MSANTD2: variants seen among roughly 807,000 people sequenced by gnomAD.
The protein encoded by MSANTD2 is myb/SANT-like DNA-binding domain-containing protein 2.
MSANTD2 carries 19 observed loss-of-function variants against 52.6 expected under a neutral mutation model. The ratio of observed to expected loss-of-function variants is 0.36; its 90% confidence interval spans 0.25 to 0.53. The LOEUF (loss-of-function observed/expected upper bound fraction) is 0.53, where lower values mean the gene tolerates loss of function less well. MSANTD2 is among the 20% of genes least tolerant of loss of function. The probability of loss-of-function intolerance (pLI) is 0.91; values close to 1 mark genes in which losing one functional copy is unlikely to be tolerated. For missense variants in MSANTD2, 558 were observed against 716.3 expected (o/e 0.78, Z 2.52); for synonymous variants, 291 against 289.7 (o/e 1.00, Z -0.04).
intron 3 of MSANTD2, among the ~76,000 whole-genome samples, chr11:124,770,460 G>A (rs1186116621): frequency 6.6e-6 from 1 of 152,008 alleles, no homozygotes; most frequent in Non-Finnish European, 1.5e-5. Flanking sequence ...ACTATACCCA[G>A]TGAATTTTAA....
At chr11:124,772,443 C>T (rs754385075) in intron 3 of MSANTD2, among the ~76,000 whole-genome samples, 3 of 152,152 alleles carry the variant, frequency 2.0e-5, no homozygotes, top group African/African-American at 2.4e-5. Flanking sequence ...TACGAAAGAA[C>T]GTATAGACAT....
chr11:124,783,807 T>TA, intron 1 of MSANTD2: 6 of 985,398 alleles, frequency 6.1e-6, no homozygotes, highest in Non-Finnish European at 7.2e-6. Flanking sequence ...TACTAATTGT[T>TA]AAAAACAAAC....
At chr11:124,768,640 C>A (rs1001324671) in intron 3 of MSANTD2, among the ~76,000 whole-genome samples, 2 of 152,190 alleles carry the variant, frequency 1.3e-5, no homozygotes, top group Middle Eastern at 6.8e-3. Flanking sequence ...GTCTGAAATT[C>A]ATTACTAATC....
rs1007970867 is a variant in MSANTD2 at position 124,774,745 on chromosome 11, T to C, written c.740A>G (p.His247Arg). The change falls in exon 2 of 4, where the codon CAT becomes CGT. Residue 247 changes from histidine (H) to arginine (R), a missense_variant. Around this residue, in one of 2 missense-constraint regions of MSANTD2, gnomAD observed 408 missense variants for 573.6 expected, o/e 0.71. Transcript: ENST00000374979. This position sits in a 1 kb window ranked among gnomAD's most constrained non-coding sequence, Gnocchi z 5.1. The stretch of plus-strand genomic sequence containing the variant: ...CAATTCCTGATCTGTTGGATAGCCA[T>C]GGAGATCCTGACTGTGGTTTCCCCA... ...EDWGNHSQDL[H>R]GYPTDQELDE... The C allele has an allele frequency of 6.2e-7, 1 of 1,613,998 alleles. No homozygotes were observed. The highest frequency in any genetic ancestry group is 8.5e-7 in the Non-Finnish European group (1 of 1,179,844).
rs1227946053 is a variant in MSANTD2, at chr11:124,799,877, G to A, written c.504C>T (p.Arg168=). ...YERTPSQCRE[R]IKTLRRCYSR... is the part of the protein sequence containing the mutation. ...AGGCCGGGCGGCCGGTTACCTTGATGCGCTCCCGGCACTGGGACGGGGTCC... is the reference window on the plus strand; with the variant it reads ...AGGCCGGGCGGCCGGTTACCTTGATACGCTCCCGGCACTGGGACGGGGTCC... The change falls in exon 1 of 4, where the codon CGC becomes CGT. Residue 168 remains arginine (R), a synonymous_variant. Transcript: ENST00000374979. The A allele has an allele frequency of 1.9e-6, 3 of 1,577,796 alleles. No homozygotes were observed.
rs1945333771 is a variant in MSANTD2 at position 124,791,602 on chromosome 11, C to A, written c.510+8269G>T. 5 of 1,471,292 alleles carry A rather than the reference C, an allele frequency of 3.4e-6. No homozygotes were observed. The Admixed American group carries it at 8.5e-5, about 25-fold the overall frequency. 91.1% of individuals were successfully genotyped at this position (1,471,292 alleles called of 1,614,324 possible). A position where few individuals can be genotyped will look rare whatever the true frequency, so the allele number is the denominator to read the frequency against. On this transcript the variant is annotated intron_variant, in intron 1 of 3. Transcript: ENST00000374979. ...AGTCTCCGAGGAGTAAGCCCGCTGC[C>A]CAATATCAGTGGGATCGGCAGCTTC... is the stretch of plus-strand genomic sequence containing the variant.
intron 1 of MSANTD2, chr11:124,783,813 C>G (rs1229301456): frequency 3.0e-6 from 3 of 985,130 alleles, no homozygotes; most frequent in Non-Finnish European, 3.6e-6. Flanking sequence ...TTGTTAAAAA[C>G]AAACATCTTC....
chr11:124,781,427 CA>C (rs1944962860), intron 1 of MSANTD2, among the ~76,000 whole-genome samples: 1 of 152,102 alleles, frequency 6.6e-6, no homozygotes, highest in African/African-American at 2.4e-5. Flanking sequence ...CAACTTAAAA[CA>C]GAAAAACACA....
At chr11:124,799,750 C>G in intron 1 of MSANTD2, 121 bp downstream of exon 1, 1 of 656,138 alleles carries the variant, frequency 1.5e-6, no homozygotes, top group Non-Finnish European at 2.5e-6. Context: ...GGAGGAGATG[C>G]GAATCGCCCA....
intron 3 of MSANTD2, among the ~76,000 whole-genome samples, chr11:124,770,886 C>A (rs1944494485): frequency 6.6e-6 from 1 of 151,862 alleles, no homozygotes; most frequent in African/African-American, 2.4e-5. Context: ...GCACCCGCTA[C>A]CATCCCTGGC....
intron 1 of MSANTD2, chr11:124,792,826 T>C (rs1945373686): frequency 1.3e-5 from 2 of 152,194 alleles, no homozygotes; most frequent in Non-Finnish European, 2.9e-5. Flanking sequence ...GATGAATCTG[T>C]CAGTTGAATC....
intron 1 of MSANTD2, chr11:124,784,138 T>C (rs1039930406): frequency 7.0e-5 from 69 of 985,056 alleles, no homozygotes; most frequent in Admixed American, 4.9e-4. Context: ...TGTCTAGAAC[T>C]TCCTCCTCAC....
intron 1 of MSANTD2, chr11:124,783,827 G>A: frequency 1.0e-6 from 1 of 985,298 alleles, no homozygotes; most frequent in Non-Finnish European, 1.2e-6. Context: ...CATCTTCCAT[G>A]GCTCAAGGAA....
chr11:124,783,722 C>G (rs1945064112), intron 1 of MSANTD2: 3 of 985,132 alleles, frequency 3.0e-6, no homozygotes, highest in Non-Finnish European at 2.4e-6. Flanking sequence ...TCTAAGTTTT[C>G]TAGGTTCCTT....
In MSANTD2 at chr11:124,800,253, G is replaced by A. The variant is rs762113776; in HGVS notation, c.128C>T (p.Thr43Met). ...DGNPSLSDPS[T>M]PRGASPLGPG... ...CCCGAGCGGGGAGGCACCCCGAGGC[G>A]TGGAAGGGTCGGACAGCGATGGATT... is the stretch of plus-strand genomic sequence containing the variant. Residue 43 changes from threonine (T) to methionine (M), a missense_variant, in exon 1 of 4, where the codon ACG (threonine) becomes ATG (methionine). This residue lies in a region of MSANTD2 where 150 missense variants were observed against 142.7 expected (regional missense o/e 1.05). Transcript: ENST00000374979. The surrounding 1 kb of genome is among the most constrained non-coding windows in gnomAD (Gnocchi z 4.3). 1 of 1,561,164 alleles carries A rather than the reference G, an allele frequency of 6.4e-7. No homozygotes were observed. Among genetic ancestry groups the A allele is most frequent in the Non-Finnish European group, 8.6e-7 (1 of 1,157,102 alleles).
chr11:124,768,563 T>C lies in MSANTD2; in HGVS notation c.828-535A>G, dbSNP rs557090347. The stretch of plus-strand genomic sequence containing the variant: ...TCAGAAAGTCCAATAATGGGCTTTG[T>C]GTGTGCTGTGGGAAAATATACAACT... On this transcript the variant is annotated intron_variant, in intron 3 of 3. Coordinates refer to ENST00000374979, the MANE Select transcript of MSANTD2 (RefSeq NM_001308027.2). 1.5e-4 allele frequency among the ~76,000 whole-genome samples: 23 copies of C among 152,338 alleles called. No individual in the cohort carries two copies. In the East Asian group the frequency reaches 3.1e-3, roughly 20 times the overall value.
At chr11:124,789,384 G>C (rs1401186489) in intron 1 of MSANTD2, 1 of 152,102 alleles carries the variant, frequency 6.6e-6, no homozygotes, top group Non-Finnish European at 1.5e-5. Context: ...GTCTTACATA[G>C]GCTGAGAAAA....
At position 124,800,120 on chromosome 11, in the gene MSANTD2, G is replaced by A. The variant is rs2135283175; in HGVS notation, c.261C>T (p.Gly87=). ...SSSVSFSPGG[G]GGGAAAAAAA... ...CGGCGGCTGCCGCAGCCCCGCCACC[G>A]CCGCCACCAGGGGAGAAGGAGACCG... The change falls in exon 1 of 4, where the codon GGC becomes GGT. Residue 87 remains glycine (G), a synonymous_variant. Coordinates refer to ENST00000374979, the MANE Select transcript of MSANTD2 (RefSeq NM_001308027.2). The surrounding 1 kb of genome is among the most constrained non-coding windows in gnomAD (Gnocchi z 4.3). 4 of 1,482,174 alleles carry A rather than the reference G, an allele frequency of 2.7e-6. No individual in the cohort carries two copies. Among genetic ancestry groups the A allele is most frequent in the Admixed American group, 2.4e-5 (1 of 40,900 alleles). 91.8% of individuals were successfully genotyped at this position (1,482,174 alleles called of 1,614,324 possible).
chr11:124,796,863 G>T (rs982377187), intron 1 of MSANTD2, among the ~76,000 whole-genome samples: 6 of 152,150 alleles, frequency 3.9e-5, no homozygotes, highest in African/African-American at 1.2e-4. Context: ...TGAACTACTT[G>T]TTTTAAATCT....
Sources: allele counts gnomAD v4.1 joint callset (sites outside exome capture counted in the v4.1 genomes callset), GRCh38; gene constraint gnomAD v4.1.1; regional missense constraint gnomAD v4.1.1; non-coding constraint Gnocchi (gnomAD v3.1); transcripts MANE v1.5; gene names NCBI Gene and HGNC (gene_info 2026-07-23, HGNC 2026-07-21).